TCEA3: variants seen among roughly 807,000 people sequenced by gnomAD.
The protein encoded by TCEA3 is transcription elongation factor A protein 3.
TCEA3 carries 36 observed loss-of-function variants against 44.0 expected under a neutral mutation model. The ratio of observed to expected loss-of-function variants is 0.82; its 90% CI spans 0.63 to 1.08. TCEA3 has a LOEUF of 1.08. TCEA3 is among the 50% of genes least tolerant of loss of function. The pLI is 0.00. For synonymous variants in TCEA3, 162 were observed against 159.7 expected (o/e 1.01, Z -0.11); for missense variants, 392 against 441.2 (o/e 0.89, Z 1.00).
intron 4 of TCEA3, among the ~76,000 whole-genome samples, chr1:23,415,690 T>A (rs1422913475): frequency 6.6e-6 from 1 of 152,190 alleles, no homozygotes; most frequent in Non-Finnish European, 1.5e-5. Flanking sequence ...TGGTCAGGGA[T>A]TCCCCGAGCC....
chr1:23,408,105 G>GCA (rs1024390647), intron 5 of TCEA3, among the ~76,000 whole-genome samples: 1 of 152,120 alleles, frequency 6.6e-6, no homozygotes, highest in Non-Finnish European at 1.5e-5. Context: ...GGGATTACAG[G>GCA]TGCCCACCAC....
intron 5 of TCEA3, 65 bp from the exon 6 acceptor site, chr1:23,398,020 T>G: frequency 6.4e-7 from 1 of 1,567,080 alleles, no homozygotes; most frequent in Non-Finnish European, 8.7e-7. Flanking sequence ...TGAGCAGCAT[T>G]CTAGATGTCT....
intron 8 of TCEA3, among the ~76,000 whole-genome samples, chr1:23,391,492 T>C (rs930178438): frequency 7.8e-4 from 118 of 152,166 alleles, no homozygotes; most frequent in African/African-American, 2.7e-3. Flanking sequence ...GGATTAGTGC[T>C]CCTCTAATAG....
At chr1:23,385,550 G>A (rs1055455143) in intron 9 of TCEA3, among the ~76,000 whole-genome samples, 1 of 152,260 alleles carries the variant, frequency 6.6e-6, no homozygotes, top group South Asian at 2.1e-4. Flanking sequence ...TGGCAAGGCT[G>A]ACTGCATTTC....
At chr1:23,413,677 G>T (rs1639801662) in intron 4 of TCEA3, among the ~76,000 whole-genome samples, 1 of 151,128 alleles carries the variant, frequency 6.6e-6, no homozygotes, top group African/African-American at 2.4e-5. Context: ...CAAGTGATCT[G>T]CCCGCCTTGG....
intron 10 of TCEA3, among the ~76,000 whole-genome samples, chr1:23,381,680 T>C (rs1281770487): frequency 1.3e-5 from 2 of 152,204 alleles, no homozygotes; most frequent in African/African-American, 2.4e-5. Context: ...GAGAATGATA[T>C]CAGGTAATAA....
intron 7 of TCEA3, 67 bp downstream of exon 7, chr1:23,397,478 C>T: frequency 1.3e-6 from 2 of 1,494,272 alleles, no homozygotes; most frequent in Non-Finnish European, 1.8e-6. Context: ...TCCCAGCTCG[C>T]TTGCACCTTG....
Position 23,415,491 on chromosome 1 carries a change from A to G in TCEA3, c.380+1758T>C, listed in dbSNP as rs1639862851. Among the ~76,000 whole-genome samples, 4 of 152,168 alleles carry G rather than the reference A, an allele frequency of 2.6e-5. No individual in the cohort carries two copies. The South Asian group carries it at 8.3e-4, about 32-fold the overall frequency. The stretch of plus-strand genomic sequence containing the variant: ...GTTCAGCCTCTAGTCCTTCAACTTC[A>G]TCTCATAAGAGCTCTCCTGCTCCTG... On this transcript the variant is annotated intron_variant, in intron 4 of 10. Transcript: ENST00000450454.
chr1:23,403,799 G>T lies in TCEA3; in HGVS notation c.443+4865C>A, dbSNP rs970413611. The T allele has an allele frequency of 7.4e-6, 3 of 406,294 alleles. No individual in the cohort carries two copies. The South Asian group carries it at 1.0e-4, about 14-fold the overall frequency. 25.2% of individuals were successfully genotyped at this position (406,294 alleles called of 1,614,324 possible). A position where few individuals can be genotyped will look rare whatever the true frequency, so the allele number is the denominator to read the frequency against. On this transcript the variant is annotated intron_variant, in intron 5 of 10. Coordinates refer to ENST00000450454, the MANE Select transcript of TCEA3 (RefSeq NM_003196.3). ...CCTCCTACCTGAGCAAGACTAGGCT[G>T]TTTGGAGCATTTCTTCCCACCTTCC...
chr1:23,408,828 G>A (rs1639629778), intron 4 of TCEA3, 102 bp from the exon 5 acceptor site: 7 of 1,194,952 alleles, frequency 5.9e-6, no homozygotes, highest in Non-Finnish European at 5.9e-6. Flanking sequence ...GCTGGCTTGA[G>A]GCTAAGGAAG....
intron 5 of TCEA3, among the ~76,000 whole-genome samples, chr1:23,400,360 C>T (rs1173670686): frequency 6.9e-6 from 1 of 144,424 alleles, no homozygotes; most frequent in Admixed American, 7.2e-5. Flanking sequence ...CAGGCAGATG[C>T]CGCCACACCA....
chr1:23,419,381 TTC>T, intron 1 of TCEA3: 1 of 365,530 alleles, frequency 2.7e-6, no homozygotes, highest in Non-Finnish European at 4.9e-6. Context: ...CAGCCTTTGG[TTC>T]TGCTGTGCCT....
At chr1:23,395,050 G>A (rs368137417) in intron 7 of TCEA3, among the ~76,000 whole-genome samples, 10 of 152,252 alleles carry the variant, frequency 6.6e-5, no homozygotes, top group South Asian at 2.1e-4. Context: ...AAGAGACTGC[G>A]GAGAATGTGG....
intron 10 of TCEA3, chr1:23,383,994 C>G (rs1638747300): frequency 9.9e-6 from 11 of 1,115,208 alleles, no homozygotes; most frequent in Non-Finnish European, 1.2e-5. Context: ...TCTGTGGAAG[C>G]ACTTTCCAAA....
chr1:23,422,077 C>T (rs1040435465), intron 1 of TCEA3, among the ~76,000 whole-genome samples: 13 of 152,144 alleles, frequency 8.5e-5, no homozygotes, highest in African/African-American at 3.1e-4. Flanking sequence ...TATGCAGCTC[C>T]GGGCACAGCT....
At position 23,381,357 on chromosome 1, in the gene TCEA3, G is replaced by C. The variant is rs923656432; in HGVS notation, c.*109C>G. 18 of 750,940 alleles carry C rather than the reference G, an allele frequency of 2.4e-5. No individual in the cohort carries two copies. The highest frequency in any genetic ancestry group is 4.2e-5 in the Non-Finnish European group (17 of 405,194). 46.5% of individuals were successfully genotyped at this position (750,940 alleles called of 1,614,324 possible). On this transcript the variant is annotated 3_prime_UTR_variant, in exon 11 of 11. Coordinates refer to ENST00000450454, the MANE Select transcript of TCEA3 (RefSeq NM_003196.3). Reference sequence around the variant, plus strand: ...CCTCTAACTCATACCATCCCACTCAGACAGAGTTCAGTATTTTCCTTCACT... The same window carrying C: ...CCTCTAACTCATACCATCCCACTCACACAGAGTTCAGTATTTTCCTTCACT...
intron 8 of TCEA3, among the ~76,000 whole-genome samples, chr1:23,391,258 G>T (rs144368768): frequency 0.022 from 3,312 of 148,904 alleles, 186 homozygotes; most frequent in Admixed American, 0.14. Flanking sequence ...GACTACAGGT[G>T]TGTGCCACCA....
At position 23,393,988 on chromosome 1, in the gene TCEA3, C is replaced by T. The variant is rs913236787; in HGVS notation, c.710G>A (p.Arg237His). The change falls in exon 8 of 11, where the codon CGC (arginine) becomes CAC (histidine). Residue 237 changes from arginine to histidine, a missense_variant. By Grantham distance (29) the Arg-to-His change is conservative. Coordinates refer to ENST00000450454, the MANE Select transcript of TCEA3 (RefSeq NM_003196.3). The part of the protein sequence containing the change: ...LKSTDMKYRN[R>H]VRSRISNLKD... ...GAGGTTGCTTATGCGGCTGCGCACGCGGTTCCGGTACTTCATGTCCGTGCT... is the reference window on the plus strand; with the variant it reads ...GAGGTTGCTTATGCGGCTGCGCACGTGGTTCCGGTACTTCATGTCCGTGCT... 6.2e-6 allele frequency: 10 copies of T among 1,613,898 alleles called. No homozygotes were observed. The African/African-American group carries it at 8.0e-5, about 13-fold the overall frequency.
At chr1:23,385,114 G>C (rs998634704) in intron 9 of TCEA3, among the ~76,000 whole-genome samples, 3 of 152,182 alleles carry the variant, frequency 2.0e-5, no homozygotes, top group African/African-American at 7.2e-5. Flanking sequence ...TCATCATTCA[G>C]GTGCAGGAAC....
Sources: allele counts gnomAD v4.1 joint callset (sites outside exome capture counted in the v4.1 genomes callset), GRCh38; gene constraint gnomAD v4.1.1; transcripts MANE v1.5; gene names NCBI Gene and HGNC (gene_info 2026-07-23, HGNC 2026-07-21).